Variants in DNER observed in about 807,000 individuals in gnomAD.
DNER encodes the protein delta and Notch-like epidermal growth factor-related receptor.
A neutral mutation model predicts 78.2 loss-of-function variants in DNER; 33 were observed. That is an observed-to-expected ratio of 0.42 (90% CI 0.32 to 0.56). The LOEUF (loss-of-function observed/expected upper bound fraction) is 0.56, where lower values mean the gene tolerates loss of function less well. DNER is among the 20% of genes least tolerant of loss of function. The pLI is 0.11. For missense variants in DNER, 918 were observed against 975.3 expected (o/e 0.94, Z 0.78); for synonymous variants, 417 against 384.8 (o/e 1.08, Z -0.98).
intron 1 of DNER, among the ~76,000 whole-genome samples, chr2:229,675,838 G>A (rs886904251): frequency 3.9e-5 from 6 of 152,194 alleles, no homozygotes; most frequent in African/African-American, 1.4e-4. Flanking sequence ...ATGGGCCAGT[G>A]AGAACCATGC....
chr2:229,666,403 G>A (rs556838641), intron 1 of DNER, among the ~76,000 whole-genome samples: 24 of 152,198 alleles, frequency 1.6e-4, no homozygotes, highest in East Asian at 9.7e-4. Flanking sequence ...ATCAGTAACC[G>A]AAAGGCAAAA....
intron 5 of DNER, among the ~76,000 whole-genome samples, chr2:229,515,654 T>A (rs1379711001): frequency 1.3e-5 from 2 of 149,900 alleles, no homozygotes; most frequent in Admixed American, 6.6e-5. Context: ...TTTATTTTTT[T>A]TTTTTTGAGA....
At position 229,686,457 on chromosome 2, in the gene DNER, G is replaced by A. The variant is rs112727818; in HGVS notation, c.276+27691C>T. ...AGCTCTGGCCAACCTGACTTAGCCTGGGGGCTAGAGCAGGCAGAAATTCTA... is the reference window on the plus strand; with the variant it reads ...AGCTCTGGCCAACCTGACTTAGCCTAGGGGCTAGAGCAGGCAGAAATTCTA... On this transcript the variant is annotated intron_variant, in intron 1 of 12. Coordinates refer to ENST00000341772, the MANE Select transcript of DNER (RefSeq NM_139072.4). Among the ~76,000 whole-genome samples, 1,310 of 152,284 alleles carry A rather than the reference G, an allele frequency of 8.6e-3. 24 individuals carry two copies. The highest frequency in any genetic ancestry group is 0.03 in the African/African-American group (1,245 of 41,544).
At chr2:229,566,860 A>G (rs1200974186) in intron 4 of DNER, among the ~76,000 whole-genome samples, 3 of 152,152 alleles carry the variant, frequency 2.0e-5, no homozygotes, top group African/African-American at 7.2e-5. Context: ...ATTAAGATGC[A>G]TATATTTTCA....
intron 11 of DNER, among the ~76,000 whole-genome samples, chr2:229,387,509 G>GAAAGAGAGAGAGAA (rs1553602522): frequency 2.6e-5 from 2 of 76,128 alleles, no homozygotes; most frequent in Non-Finnish European, 5.4e-5. Context: ...GAAAGAAAGA[G>GAAAGAGAGAGAGAA]AGAAAGAAAG....
intron 4 of DNER, among the ~76,000 whole-genome samples, chr2:229,551,173 T>A (rs1559164293): frequency 6.6e-6 from 1 of 152,268 alleles, no homozygotes; most frequent in Non-Finnish European, 1.5e-5. Context: ...TTCATAAATG[T>A]AAGACTTCTC....
At position 229,524,049 on chromosome 2, in the gene DNER, T is replaced by C. The variant is rs560394623; in HGVS notation, c.994-11113A>G. On this transcript the variant is annotated intron_variant, in intron 5 of 12. Transcript: ENST00000341772. Reference sequence around the variant, plus strand: ...GAGGTGGCTGTTATTGTTATTCTCATTTTATATTTGAGGTAACTGAGGCAC... The same window carrying C: ...GAGGTGGCTGTTATTGTTATTCTCACTTTATATTTGAGGTAACTGAGGCAC... 4.6e-5 allele frequency among the ~76,000 whole-genome samples: 7 copies of C among 152,390 alleles called. No individual in the cohort carries two copies. In the South Asian group the frequency reaches 1.4e-3, roughly 32 times the overall value.
At position 229,393,846 on chromosome 2, in the gene DNER, C is replaced by CAAAACA. The variant is rs60036170; in HGVS notation, c.1724-5456_1724-5451dup. 4.0e-3 allele frequency among the ~76,000 whole-genome samples: 609 copies of CAAAACA among 151,634 alleles called. 2 individuals carry two copies. Among genetic ancestry groups the CAAAACA allele is most frequent in the African/African-American group, 0.011 (469 of 41,178 alleles). ...TGGGCAACAGAGCGAGACTCCGTCT[C>CAAAACA]AAAACAAAAACAAAAACAAAAACAA... On this transcript the variant is annotated intron_variant, in intron 10 of 12. Coordinates refer to ENST00000341772, the MANE Select transcript of DNER (RefSeq NM_139072.4).
intron 1 of DNER, among the ~76,000 whole-genome samples, chr2:229,620,079 A>G (rs374156980): frequency 6.7e-6 from 1 of 150,122 alleles, no homozygotes; most frequent in Non-Finnish European, 1.5e-5. Flanking sequence ...TGAAGCTAAC[A>G]TGGGATGCAC....
intron 8 of DNER, among the ~76,000 whole-genome samples, chr2:229,426,578 A>G (rs1348748344): frequency 6.6e-6 from 1 of 152,158 alleles, no homozygotes; most frequent in Non-Finnish European, 1.5e-5. Context: ...AATGTGGGAC[A>G]AGATGCATTC....
intron 5 of DNER, among the ~76,000 whole-genome samples, chr2:229,516,029 A>G (rs1695964139): frequency 1.3e-5 from 2 of 152,244 alleles, no homozygotes; most frequent in South Asian, 4.1e-4. Flanking sequence ...CCTTGAAAGA[A>G]ACCTGAAGAA....
intron 1 of DNER, among the ~76,000 whole-genome samples, chr2:229,605,047 G>C (rs1186694291): frequency 1.3e-5 from 2 of 152,134 alleles, no homozygotes; most frequent in African/African-American, 4.8e-5. Context: ...CAAAGGCCAG[G>C]GTTGTTTTAT....
intron 4 of DNER, among the ~76,000 whole-genome samples, chr2:229,547,852 G>A (rs186185556): frequency 7.4e-4 from 112 of 152,206 alleles, no homozygotes; most frequent in Middle Eastern, 3.4e-3. Flanking sequence ...AATAAATATG[G>A]AATAAATTGA....
intron 8 of DNER, among the ~76,000 whole-genome samples, chr2:229,422,027 G>A (rs1294288944): frequency 6.6e-6 from 1 of 152,110 alleles, no homozygotes; most frequent in Non-Finnish European, 1.5e-5. Flanking sequence ...ATTTTACAGA[G>A]ATAATTAAGC....
At chr2:229,428,139 T>C (rs1010915695) in intron 8 of DNER, among the ~76,000 whole-genome samples, 1 of 149,800 alleles carries the variant, frequency 6.7e-6, no homozygotes, top group Non-Finnish European at 1.5e-5. Flanking sequence ...TCAGGCCTGG[T>C]GGTATCTTTC....
intron 9 of DNER, among the ~76,000 whole-genome samples, chr2:229,411,357 G>A (rs974020853): frequency 6.6e-6 from 1 of 152,102 alleles, no homozygotes; most frequent in Non-Finnish European, 1.5e-5. Flanking sequence ...AGGAGTTCGA[G>A]ACCAGCCTGG....
At chr2:229,421,633 A>ATG (rs763178719) in intron 8 of DNER, among the ~76,000 whole-genome samples, 915 of 18,892 alleles carry the variant, frequency 0.048, 3 homozygotes, top group South Asian at 0.17. Context: ...CATGAAATAT[A>ATG]TATATATATA....
chr2:229,378,814 T>C (rs1574814324), intron 11 of DNER, among the ~76,000 whole-genome samples: 1 of 152,122 alleles, frequency 6.6e-6, no homozygotes. Context: ...CCACCAAATG[T>C]ACGAATTCTG....
intron 9 of DNER, among the ~76,000 whole-genome samples, chr2:229,411,429 C>A (rs909717336): frequency 1.3e-4 from 20 of 152,030 alleles, no homozygotes; most frequent in Non-Finnish European, 5.9e-5. Context: ...TGGTGGCACA[C>A]ACCTGTAATC....
Sources: gnomAD v4.1 joint callset for allele counts (sites outside exome capture counted in the v4.1 genomes callset) on GRCh38, gnomAD v4.1.1 for gene constraint, MANE v1.5 for transcripts, NCBI Gene and HGNC (gene_info 2026-07-23, HGNC 2026-07-21) for gene names.